PRR16: variants seen among roughly 807,000 people sequenced by gnomAD.
The protein encoded by PRR16 is proline rich 16.
PRR16 carries 6 observed loss-of-function variants against 18.2 expected under a neutral mutation model. The ratio of observed to expected loss-of-function variants is 0.33; its 90% CI spans 0.18 to 0.65. The LOEUF (loss-of-function observed/expected upper bound fraction) is 0.65. Among genes scored for constraint, PRR16 ranks in the 30% least tolerant of loss-of-function variants. The probability of loss-of-function intolerance (pLI) is 0.74; values close to 1 mark genes in which losing one functional copy is unlikely to be tolerated. For synonymous variants in PRR16, 151 were observed against 147.8 expected, an observed-to-expected ratio of 1.02 and a Z score of -0.16; for missense variants, 412 against 376.6, an observed-to-expected ratio of 1.09 and a Z score of -0.78.
chr5:120,570,369 A>T (rs1025003485), intron 1 of PRR16, among the ~76,000 whole-genome samples: 2 of 152,096 alleles, frequency 1.3e-5, no homozygotes, highest in Admixed American at 1.3e-4. Context: ...CTCTTGATGG[A>T]GGAAAGAGGG....
At chr5:120,658,128 C>G (rs1437979673) in intron 1 of PRR16, 2 of 151,706 alleles carry the variant, frequency 1.3e-5, no homozygotes, top group African/African-American at 4.8e-5. Flanking sequence ...TTCAATTTTC[C>G]CTCTGCAAAT....
the PRR16 span, among the ~76,000 whole-genome samples, chr5:120,720,592 T>C: frequency 2.0e-5 from 3 of 152,050 alleles, no homozygotes; most frequent in Non-Finnish European, 4.4e-5. Context: ...TTTGGGTGGA[T>C]AGTTGGAATC....
intron 1 of PRR16, among the ~76,000 whole-genome samples, chr5:120,484,519 A>G (rs1237866906): frequency 6.9e-6 from 1 of 145,622 alleles, no homozygotes; most frequent in Non-Finnish European, 1.5e-5. Context: ...TATTGTATAT[A>G]TAAATGTATG....
downstream of PRR16, among the ~76,000 whole-genome samples, chr5:120,691,461 T>A (rs79491748): frequency 6.6e-6 from 1 of 152,178 alleles, no homozygotes. Flanking sequence ...ACCTTTTAGT[T>A]TTTTTTCTCT....
chr5:120,709,629 C>G, the PRR16 span, among the ~76,000 whole-genome samples: 1 of 152,096 alleles, frequency 6.6e-6, no homozygotes. Flanking sequence ...AACCCTCTTC[C>G]TCCCTACTCT....
intron 1 of PRR16, among the ~76,000 whole-genome samples, chr5:120,567,164 G>A (rs186983819): frequency 1.3e-5 from 2 of 152,186 alleles, no homozygotes; most frequent in East Asian, 1.9e-4. Context: ...TGCCATTTAA[G>A]CCTATAATAA....
intron 1 of PRR16, among the ~76,000 whole-genome samples, chr5:120,580,404 C>T (rs1400306875): frequency 6.6e-6 from 1 of 151,508 alleles, no homozygotes; most frequent in Admixed American, 6.6e-5. Flanking sequence ...AGATATATTC[C>T]ATCAATACCT....
the PRR16 span, among the ~76,000 whole-genome samples, chr5:120,696,301 CAAACA>C: frequency 6.6e-6 from 1 of 151,904 alleles, no homozygotes; most frequent in African/African-American, 2.4e-5. Flanking sequence ...TAAAAATTCA[CAAACA>C]AAACAAAATA....
At chr5:120,780,308 A>G in the PRR16 span, among the ~76,000 whole-genome samples, 5 of 152,308 alleles carry the variant, frequency 3.3e-5, no homozygotes, top group South Asian at 8.3e-4. Context: ...CATAAAATAA[A>G]TGATTTAATT....
At chr5:120,519,450 A>G (rs559374230) in intron 1 of PRR16, among the ~76,000 whole-genome samples, 29 of 152,160 alleles carry the variant, frequency 1.9e-4, no homozygotes, top group Non-Finnish European at 3.5e-4. Context: ...GCATTGAGTG[A>G]TGAAATAAAC....
chr5:120,630,258 C>T (rs1755008436), intron 1 of PRR16, among the ~76,000 whole-genome samples: 1 of 151,976 alleles, frequency 6.6e-6, no homozygotes, highest in Non-Finnish European at 1.5e-5. Context: ...TTGTTCACGT[C>T]CTTAGTCAAT....
At chr5:120,715,111 A>C in the PRR16 span, among the ~76,000 whole-genome samples, 8 of 152,078 alleles carry the variant, frequency 5.3e-5, no homozygotes, top group Non-Finnish European at 7.4e-5. Flanking sequence ...AACTTAAAAA[A>C]AAAAAAGTCG....
the PRR16 span, among the ~76,000 whole-genome samples, chr5:120,787,589 G>A: frequency 6.6e-6 from 1 of 152,068 alleles, no homozygotes; most frequent in African/African-American, 2.4e-5. Flanking sequence ...CTATAATAAT[G>A]TTTGCTCTTA....
intron 1 of PRR16, among the ~76,000 whole-genome samples, chr5:120,628,669 A>C (rs193184378): frequency 9.3e-6 from 1 of 107,950 alleles, no homozygotes; most frequent in African/African-American, 2.8e-5. Context: ...CTACCTACCT[A>C]TCTATCTATC....
At chr5:120,513,585 T>G (rs1444796959) in intron 1 of PRR16, among the ~76,000 whole-genome samples, 1 of 152,084 alleles carries the variant, frequency 6.6e-6, no homozygotes, top group Non-Finnish European at 1.5e-5. Context: ...CCTCAGACAT[T>G]CGTTACCCAC....
the PRR16 span, among the ~76,000 whole-genome samples, chr5:120,775,700 G>A: frequency 6.8e-6 from 1 of 147,502 alleles, no homozygotes; most frequent in African/African-American, 2.5e-5. Context: ...GCACATTCTC[G>A]GCTCATGGCA....
intron 1 of PRR16, among the ~76,000 whole-genome samples, chr5:120,591,112 T>C (rs1753621419): frequency 6.6e-6 from 1 of 151,902 alleles, no homozygotes; most frequent in South Asian, 2.1e-4. Context: ...ACACCGTCTC[T>C]ACTAAAAATG....
rs548902588 is a variant in PRR16, at chr5:120,685,817, A to T, written c.160-137A>T. On this transcript the variant is annotated intron_variant, in intron 1 of 1. Coordinates refer to ENST00000407149, the MANE Select transcript of PRR16 (RefSeq NM_001300783.2). ...TTCTGTAAATTTATTGACTGAAAAC[A>T]TCAAGCAGCAATGGAATGTTCAGTT... 2.8e-5 allele frequency: 23 copies of T among 830,580 alleles called. No individual in the cohort carries two copies. In the South Asian group the frequency reaches 4.3e-4, roughly 16 times the overall value. The allele number at this position is 830,580 out of a possible 1,614,324, so 51.5% of individuals were successfully genotyped here.
intron 1 of PRR16, among the ~76,000 whole-genome samples, chr5:120,649,774 C>T (rs1451437862): frequency 1.3e-5 from 2 of 151,920 alleles, no homozygotes; most frequent in African/African-American, 4.8e-5. Flanking sequence ...CTTTTAAATA[C>T]TTGTTTTCTT....
Sources: allele counts gnomAD v4.1 joint callset (sites outside exome capture counted in the v4.1 genomes callset), GRCh38; gene constraint gnomAD v4.1.1; transcripts MANE v1.5; gene names NCBI Gene and HGNC (gene_info 2026-07-23, HGNC 2026-07-21).